PACRG: variants seen among roughly 807,000 people sequenced by gnomAD.
PACRG encodes parkin coregulated, also known as parkin coregulated gene protein.
A neutral mutation model predicts 29.7 loss-of-function variants in PACRG; 29 were observed. That is an observed-to-expected ratio of 0.98 (90% confidence interval 0.73 to 1.33). PACRG has a LOEUF of 1.33. PACRG is among the 40% of genes most tolerant of loss of function. The pLI, the probability that PACRG is intolerant of heterozygous loss-of-function variation, is 0.00. For synonymous variants in PACRG, 116 were observed against 118.7 expected, an observed-to-expected ratio of 0.98 and a Z score of 0.15; for missense variants, 279 against 316.2, an observed-to-expected ratio of 0.88 and a Z score of 0.89.
chr6:162,806,659 C>T (rs1239579624), intron 1 of PACRG, among the ~76,000 whole-genome samples: 1 of 152,142 alleles, frequency 6.6e-6, no homozygotes, highest in Non-Finnish European at 1.5e-5. Context: ...ATGCTATATA[C>T]AGATGTGTTG....
At chr6:162,866,501 A>G (rs1050386397) in intron 2 of PACRG, among the ~76,000 whole-genome samples, 1 of 152,196 alleles carries the variant, frequency 6.6e-6, no homozygotes, top group African/African-American at 2.4e-5. Context: ...TATGAGCCAT[A>G]GAGCTCGCTC....
At chr6:162,767,161 A>G (rs1782862686) in intron 1 of PACRG, among the ~76,000 whole-genome samples, 1 of 152,006 alleles carries the variant, frequency 6.6e-6, no homozygotes, top group Non-Finnish European at 1.5e-5. Flanking sequence ...TGAATTGTCC[A>G]TATGTTCTAT....
intron 2 of PACRG, among the ~76,000 whole-genome samples, chr6:163,012,384 A>G (rs1235662820): frequency 6.6e-6 from 1 of 152,252 alleles, no homozygotes; most frequent in Non-Finnish European, 1.5e-5. Flanking sequence ...ACAGATTTGG[A>G]AAAGTGACCT....
chr6:163,069,748 A>G (rs1811874383), intron 3 of PACRG, among the ~76,000 whole-genome samples: 1 of 152,148 alleles, frequency 6.6e-6, no homozygotes, highest in Admixed American at 6.5e-5. Flanking sequence ...AAGTTTATGC[A>G]AAAGGATAAT....
At chr6:163,284,027 C>T (rs551107156) in intron 4 of PACRG, among the ~76,000 whole-genome samples, 158 of 151,988 alleles carry the variant, frequency 1.0e-3, no homozygotes, top group African/African-American at 3.3e-3. Context: ...GCAGGAGAAT[C>T]GCTCAAACCC....
intron 2 of PACRG, among the ~76,000 whole-genome samples, chr6:162,844,203 G>T (rs2128414666): frequency 6.6e-6 from 1 of 151,538 alleles, no homozygotes. Context: ...CAGCCTCGCT[G>T]CCGCCTTGCA....
intron 1 of PACRG, among the ~76,000 whole-genome samples, chr6:162,740,875 A>G (rs568391221): frequency 6.6e-6 from 1 of 152,256 alleles, no homozygotes; most frequent in Admixed American, 6.5e-5. Context: ...CTGGGATTAC[A>G]TGCATGAGCC....
intron 1 of PACRG, among the ~76,000 whole-genome samples, chr6:162,762,075 T>G (rs988406186): frequency 6.6e-6 from 1 of 151,640 alleles, no homozygotes; most frequent in Non-Finnish European, 1.5e-5. Flanking sequence ...AGCTCTGCTG[T>G]CATGTTCATT....
At chr6:162,860,829 G>A (rs1562673120) in intron 2 of PACRG, among the ~76,000 whole-genome samples, 1 of 152,180 alleles carries the variant, frequency 6.6e-6, no homozygotes, top group Non-Finnish European at 1.5e-5. Context: ...TCCTGGTACT[G>A]CCTTTGAAGA....
intron 4 of PACRG, among the ~76,000 whole-genome samples, chr6:163,217,346 A>T (rs1170524765): frequency 1.3e-5 from 2 of 152,248 alleles, no homozygotes; most frequent in Non-Finnish European, 1.5e-5. Context: ...AGGTCTAGGC[A>T]TACGCCAGTC....
At chr6:163,252,431 T>C (rs959905766) in intron 4 of PACRG, among the ~76,000 whole-genome samples, 2 of 152,144 alleles carry the variant, frequency 1.3e-5, no homozygotes, top group South Asian at 2.1e-4. Context: ...TGGTAACTGC[T>C]AGGAAGAGAA....
intron 2 of PACRG, among the ~76,000 whole-genome samples, chr6:163,038,530 A>T (rs539571763): frequency 1.3e-5 from 2 of 152,278 alleles, no homozygotes; most frequent in Admixed American, 1.3e-4. Context: ...CTGAAGAATG[A>T]GCCAGAGAGG....
chr6:162,892,590 G>C (rs966782763), intron 2 of PACRG, among the ~76,000 whole-genome samples: 6 of 152,120 alleles, frequency 3.9e-5, no homozygotes, highest in African/African-American at 1.4e-4. Flanking sequence ...TAATTCTGAT[G>C]CGACCACCTG....
chr6:163,198,504 T>C (rs1780568206), intron 4 of PACRG, among the ~76,000 whole-genome samples: 1 of 152,190 alleles, frequency 6.6e-6, no homozygotes, highest in Non-Finnish European at 1.5e-5. Flanking sequence ...TTACAAATGA[T>C]GAAAGTGAGG....
chr6:163,060,055 A>G (rs1227070095), intron 2 of PACRG, among the ~76,000 whole-genome samples: 1 of 152,224 alleles, frequency 6.6e-6, no homozygotes, highest in Non-Finnish European at 1.5e-5. Flanking sequence ...TAAATAGAAC[A>G]TAGTGTACAT....
intron 4 of PACRG, among the ~76,000 whole-genome samples, chr6:163,293,637 G>T (rs1287448159): frequency 6.6e-6 from 1 of 152,146 alleles, no homozygotes; most frequent in African/African-American, 2.4e-5. Context: ...TCCACATAAA[G>T]AATCGGGGAA....
At chr6:162,847,071 A>ATGCTCCCCACACTGCCCACTG (rs1790461718) in intron 2 of PACRG, among the ~76,000 whole-genome samples, 2 of 68,140 alleles carry the variant, frequency 2.9e-5, no homozygotes, top group South Asian at 4.2e-4. Context: ...GCTGACTGCC[A>ATGCTCCCCACACTGCCCACTG]TGCTCCCCAC....
At chr6:162,950,446 T>G (rs1799564479) in intron 2 of PACRG, among the ~76,000 whole-genome samples, 1 of 152,156 alleles carries the variant, frequency 6.6e-6, no homozygotes, top group African/African-American at 2.4e-5. Context: ...AGGCGGAGCT[T>G]GCAGTGAGCC....
intron 4 of PACRG, among the ~76,000 whole-genome samples, chr6:163,305,398 G>T (rs961611572): frequency 6.6e-6 from 1 of 152,076 alleles, no homozygotes; most frequent in Non-Finnish European, 1.5e-5. Context: ...ACAGTTATAG[G>T]TTCTCCTCGT....
Sources: allele counts gnomAD v4.1 joint callset (sites outside exome capture counted in the v4.1 genomes callset), GRCh38; gene constraint gnomAD v4.1.1; transcripts MANE v1.5; gene names NCBI Gene and HGNC (gene_info 2026-07-23, HGNC 2026-07-21).